The following NT5DC1 variants were observed in gnomAD, a reference collection of about 807,000 sequenced individuals.
NT5DC1 encodes the protein 5'-nucleotidase domain-containing protein 1.
NT5DC1 carries 42 observed loss-of-function variants against 59.4 expected under a neutral mutation model. The observed-to-expected ratio is 0.71, with a 90% CI of 0.55 to 0.92. NT5DC1 has a LOEUF of 0.92. Ranked by LOEUF, NT5DC1 falls within the 40% of genes least tolerant of loss-of-function variation. NT5DC1 has a pLI of 0.00. For synonymous variants in NT5DC1, 172 were observed against 188.1 expected (o/e 0.91, Z 0.70); for missense variants, 501 against 537.1 (o/e 0.93, Z 0.66).
intron 6 of NT5DC1, among the ~76,000 whole-genome samples, chr6:116,175,266 A>T (rs1190700228): frequency 2.6e-5 from 4 of 152,184 alleles, no homozygotes; most frequent in African/African-American, 4.8e-5. Flanking sequence ...AAAACTAATG[A>T]TCTGATTTCT....
chr6:116,242,154 A>G (rs1229615294), intron 11 of NT5DC1, among the ~76,000 whole-genome samples: 1 of 151,636 alleles, frequency 6.6e-6, no homozygotes, highest in Non-Finnish European at 1.5e-5. Context: ...GCGGATCACG[A>G]GGTCAGGAGA....
In NT5DC1 at chr6:116,177,842, G is replaced by A. The variant is rs142757446; in HGVS notation, c.530-43212G>A. Among the ~76,000 whole-genome samples, 383 of 152,254 alleles carry A rather than the reference G, an allele frequency of 2.5e-3. 6 individuals are homozygous for A. The highest frequency in any genetic ancestry group is 0.023 in the Admixed American group (358 of 15,280). ...TTCTGCTGATAAGCTTTAGGTAACA[G>A]CTCTGAAATGCCTACTGGAAGGGCA... On this transcript the variant is annotated intron_variant, in intron 6 of 11. Coordinates refer to ENST00000319550, the MANE Select transcript of NT5DC1 (RefSeq NM_152729.3).
intron 6 of NT5DC1, among the ~76,000 whole-genome samples, chr6:116,206,473 G>A (rs1224367010): frequency 6.6e-6 from 1 of 151,930 alleles, no homozygotes; most frequent in Non-Finnish European, 1.5e-5. Context: ...TCTGATTTGG[G>A]TCCATACCAC....
chr6:116,207,019 T>C (rs1781465911), intron 6 of NT5DC1, among the ~76,000 whole-genome samples: 1 of 140,424 alleles, frequency 7.1e-6, no homozygotes, highest in South Asian at 2.1e-4. Flanking sequence ...AAATAAATAG[T>C]CTGATCACTT....
chr6:116,236,449 T>G (rs1782115362), intron 8 of NT5DC1, among the ~76,000 whole-genome samples: 1 of 152,168 alleles, frequency 6.6e-6, no homozygotes, highest in South Asian at 2.1e-4. Flanking sequence ...AACTTGTGCT[T>G]TGGCATCAGA....
intron 6 of NT5DC1, among the ~76,000 whole-genome samples, chr6:116,134,258 T>C (rs923204294): frequency 6.6e-6 from 1 of 152,092 alleles, no homozygotes; most frequent in African/African-American, 2.4e-5. Context: ...AGTTGCCAGG[T>C]TGGGTTCTAG....
Position 116,205,127 on chromosome 6 carries a change from G to A in NT5DC1, c.530-15927G>A, listed in dbSNP as rs529412555. On this transcript the variant is annotated intron_variant, in intron 6 of 11. Transcript: ENST00000319550. ...CTTAGTTTCTGTTTCTGGTTAGGCC[G>A]GTAAAACCCCTTCCTCATCCCTCTT... 8.6e-5 allele frequency among the ~76,000 whole-genome samples: 13 copies of A among 151,894 alleles called. No homozygotes were observed. In the East Asian group the frequency reaches 1.4e-3, roughly 16 times the overall value.
In NT5DC1 at chr6:116,125,622, A is replaced by G. The variant is rs1779279413; in HGVS notation, c.529+7677A>G. 5 of 809,630 alleles carry G rather than the reference A, an allele frequency of 6.2e-6. No individual in the cohort carries two copies. In the East Asian group the frequency reaches 1.1e-4, roughly 18 times the overall value. The allele number at this position is 809,630 out of a possible 1,614,324, so 50.2% of individuals were successfully genotyped here. A position where few individuals can be genotyped will look rare whatever the true frequency, so the allele number is the denominator to read the frequency against. ...TATCTACTTTTTTAACCTATCCTAT[A>G]TATTTTTAATATGTGCCATAAATAA... On this transcript the variant is annotated intron_variant, in intron 6 of 11. Transcript: ENST00000319550.
chr6:116,145,444 G>T, intron 6 of NT5DC1: 1 of 383,774 alleles, frequency 2.6e-6, no homozygotes, highest in Non-Finnish European at 5.8e-6. Context: ...TTAGTAAGAA[G>T]ATTGGCCACA....
chr6:116,194,675 T>A (rs368496746), intron 6 of NT5DC1, among the ~76,000 whole-genome samples: 7 of 152,192 alleles, frequency 4.6e-5, no homozygotes, highest in Admixed American at 3.9e-4. Context: ...AGATGTTGTT[T>A]ATGGCTTATG....
chr6:116,243,863 G>A (rs758085800), intron 11 of NT5DC1, 46 bp from the exon 12 acceptor site: 2 of 698,390 alleles, frequency 2.9e-6, no homozygotes, highest in Non-Finnish European at 5.0e-6. Context: ...TTTATGAAAG[G>A]CATTCAGAGA....
chr6:116,120,956 T>A lies in NT5DC1; in HGVS notation c.529+3011T>A, dbSNP rs761679947. The A allele has an allele frequency of 2.1e-5, 34 of 1,613,440 alleles. No individual in the cohort carries two copies. The highest frequency in any genetic ancestry group is 2.9e-5 in the Non-Finnish European group (34 of 1,179,778). On this transcript the variant is annotated intron_variant, in intron 6 of 11. Transcript: ENST00000319550. ...ACCTGGTTTTCCTGGGTACCCTGGT[T>A]TTCCATCTGACCCAGGGGAACCCCT...
At chr6:116,194,846 C>T (rs1781192110) in intron 6 of NT5DC1, among the ~76,000 whole-genome samples, 1 of 152,006 alleles carries the variant, frequency 6.6e-6, no homozygotes, top group Non-Finnish European at 1.5e-5. Context: ...AGACACTCTA[C>T]ATACTGTTGT....
intron 6 of NT5DC1, among the ~76,000 whole-genome samples, chr6:116,178,778 G>A (rs994733518): frequency 1.4e-4 from 21 of 152,112 alleles, no homozygotes; most frequent in Admixed American, 1.1e-3. Context: ...GAAGGGGAGG[G>A]GAACTCATGG....
chr6:116,170,265 G>A (rs1270556474), intron 6 of NT5DC1, among the ~76,000 whole-genome samples: 1 of 152,146 alleles, frequency 6.6e-6, no homozygotes, highest in Non-Finnish European at 1.5e-5. Context: ...TGATTGGGGG[G>A]TGTGACCTGA....
chr6:116,162,832 A>G (rs1319335409), intron 6 of NT5DC1, among the ~76,000 whole-genome samples: 2 of 152,094 alleles, frequency 1.3e-5, no homozygotes, highest in African/African-American at 4.8e-5. Context: ...TTTAAAAAAT[A>G]TGTATTTTTA....
intron 6 of NT5DC1, among the ~76,000 whole-genome samples, chr6:116,173,587 G>A (rs912363784): frequency 1.4e-4 from 21 of 152,160 alleles, no homozygotes; most frequent in African/African-American, 4.8e-4. Context: ...AGGGTATGAG[G>A]AGCTGTGGAC....
chr6:116,115,894 T>A (rs1362710914), intron 5 of NT5DC1, 124 bp downstream of exon 5: 1 of 451,636 alleles, frequency 2.2e-6, no homozygotes, highest in African/African-American at 2.0e-5. Context: ...CAGAGCTGAC[T>A]GGGAAAGAAA....
intron 6 of NT5DC1, chr6:116,158,682 C>G (rs1382229549): frequency 6.6e-6 from 1 of 152,174 alleles, no homozygotes; most frequent in African/African-American, 2.4e-5. Context: ...ACTTTGTCAT[C>G]CTGGTGTGTT....
Sources: gnomAD v4.1 joint callset for allele counts (sites outside exome capture counted in the v4.1 genomes callset) on GRCh38, gnomAD v4.1.1 for gene constraint, MANE v1.5 for transcripts, NCBI Gene and HGNC (gene_info 2026-07-23, HGNC 2026-07-21) for gene names.